The following SHTN1 variants were observed in gnomAD, a reference collection of about 807,000 sequenced individuals.
The protein encoded by SHTN1 is shootin-1.
A neutral mutation model predicts 83.1 loss-of-function variants in SHTN1; 42 were observed. The observed-to-expected ratio is 0.51, with a 90% confidence interval of 0.39 to 0.65. The LOEUF is 0.65. Ranked by LOEUF, SHTN1 falls within the 30% of genes least tolerant of loss-of-function variation. The probability of loss-of-function intolerance (pLI) is 0.00; values close to 1 mark genes in which losing one functional copy is unlikely to be tolerated. For missense variants in SHTN1, 622 were observed against 737.8 expected (o/e 0.84, Z 1.82); for synonymous variants, 224 against 247.7 (o/e 0.90, Z 0.90).
At chr10:117,055,761 A>G (rs1852818343) in intron 1 of SHTN1, among the ~76,000 whole-genome samples, 1 of 152,204 alleles carries the variant, frequency 6.6e-6, no homozygotes, top group South Asian at 2.1e-4. Flanking sequence ...CTAGCTACTC[A>G]GGAGGCTGAC....
chr10:116,979,456 T>A, intron 1 of SHTN1, 148 bp from the exon 2 acceptor site: 1 of 646,972 alleles, frequency 1.5e-6, no homozygotes, highest in South Asian at 1.9e-5. Flanking sequence ...TGCTTTTTAT[T>A]TTTTTTATTT....
chr10:116,901,848 G>A lies in SHTN1; in HGVS notation c.1590C>T (p.Phe530=). Residue 530 remains phenylalanine, a synonymous_variant, in exon 16 of 17, where the codon TTC becomes TTT. Transcript: ENST00000355371. The part of the protein sequence containing the change: ...ALNKKTLEAE[F]NSPSPPTPEP... ...CAGGTGTTGGGGGGGACGGGCTGTT[G>A]AATTCTGCCTCCAGAGTTTTCTTGT... The A allele has an allele frequency of 6.2e-7, 1 of 1,605,770 alleles. No homozygotes were observed. Among genetic ancestry groups the A allele is most frequent in the South Asian group, 1.1e-5 (1 of 89,644 alleles).
At chr10:117,039,417 T>C (rs1274938879) in intron 2 of SHTN1, among the ~76,000 whole-genome samples, 3 of 152,204 alleles carry the variant, frequency 2.0e-5, no homozygotes, top group Non-Finnish European at 2.9e-5. Flanking sequence ...CGTATCATTA[T>C]ACATTTGTCC....
chr10:116,991,718 T>G (rs1049199028), intron 1 of SHTN1, among the ~76,000 whole-genome samples: 8 of 152,116 alleles, frequency 5.3e-5, no homozygotes, highest in Non-Finnish European at 8.8e-5. Flanking sequence ...ACCTCCAACA[T>G]TAGGGAATCA....
intron 1 of SHTN1, among the ~76,000 whole-genome samples, chr10:116,982,125 A>T (rs1218190786): frequency 1.3e-5 from 2 of 152,234 alleles, no homozygotes; most frequent in East Asian, 3.8e-4. Context: ...TTTTCTATTT[A>T]AAACATCAGA....
intron 1 of SHTN1, among the ~76,000 whole-genome samples, chr10:116,983,673 T>C (rs957781630): frequency 1.4e-4 from 9 of 62,488 alleles, no homozygotes; most frequent in African/African-American, 3.0e-4. Context: ...GATAGATAGA[T>C]AGATAGATAG....
At chr10:116,968,555 G>C in intron 3 of SHTN1, 97 bp downstream of exon 3, 1 of 811,934 alleles carries the variant, frequency 1.2e-6, no homozygotes, top group Non-Finnish European at 2.0e-6. Context: ...TTGATTGTAT[G>C]ACCAGGACAT....
At chr10:116,923,023 T>C (rs572041369) in intron 11 of SHTN1, among the ~76,000 whole-genome samples, 7 of 151,992 alleles carry the variant, frequency 4.6e-5, no homozygotes, top group Admixed American at 1.3e-4. Context: ...ATCACAATGA[T>C]ACATGAAAAT....
intron 1 of SHTN1, among the ~76,000 whole-genome samples, chr10:117,113,709 G>A (rs995525018): frequency 6.6e-5 from 10 of 152,136 alleles, no homozygotes; most frequent in Non-Finnish European, 1.3e-4. Flanking sequence ...TTCAAGACCC[G>A]CCTAGGCAAG....
chr10:116,999,885 C>A (rs904476513), intron 1 of SHTN1, among the ~76,000 whole-genome samples: 2 of 152,024 alleles, frequency 1.3e-5, no homozygotes, highest in Non-Finnish European at 2.9e-5. Flanking sequence ...TGCACTCCAG[C>A]CTGGGTGACA....
At chr10:117,054,579 T>A (rs111782700) in intron 1 of SHTN1, among the ~76,000 whole-genome samples, 39 of 151,924 alleles carry the variant, frequency 2.6e-4, no homozygotes, top group Admixed American at 7.2e-4. Flanking sequence ...CTAATTTTTT[T>A]AATATTTTTA....
At chr10:116,921,295 C>T in intron 12 of SHTN1, 139 bp downstream of exon 12, 1 of 596,702 alleles carries the variant, frequency 1.7e-6, no homozygotes, top group South Asian at 2.2e-5. Context: ...ATGACGGTTA[C>T]TGGTTCATTC....
chr10:116,956,649 T>G (rs942250521), intron 4 of SHTN1, among the ~76,000 whole-genome samples: 2 of 152,176 alleles, frequency 1.3e-5, no homozygotes, highest in Non-Finnish European at 2.9e-5. Flanking sequence ...TTCTGTCATC[T>G]AGTGCTTAAT....
intron 1 of SHTN1, among the ~76,000 whole-genome samples, chr10:117,091,971 C>T (rs1435979923): frequency 1.3e-5 from 2 of 152,156 alleles, no homozygotes; most frequent in South Asian, 2.1e-4. Flanking sequence ...CAGGGCTTTA[C>T]ATACAGTGTC....
intron 16 of SHTN1, among the ~76,000 whole-genome samples, chr10:116,900,092 A>G (rs979002875): frequency 6.6e-6 from 1 of 152,252 alleles, no homozygotes; most frequent in Non-Finnish European, 1.5e-5. Flanking sequence ...ATTATACTTA[A>G]GAAACAGATT....
intron 2 of SHTN1, among the ~76,000 whole-genome samples, chr10:117,036,855 T>C (rs1270985542): frequency 6.6e-6 from 1 of 152,226 alleles, no homozygotes; most frequent in Non-Finnish European, 1.5e-5. Flanking sequence ...GTGGCTATTA[T>C]GCATTACATG....
chr10:116,901,631 T>C (rs1847740144), intron 16 of SHTN1, 134 bp downstream of exon 16: 2 of 1,355,322 alleles, frequency 1.5e-6, no homozygotes, highest in Non-Finnish European at 1.9e-6. Flanking sequence ...AGCTGGCCCA[T>C]CAAATGAAAA....
upstream of SHTN1, among the ~76,000 whole-genome samples, chr10:117,008,534 A>C (rs1852054359): frequency 6.6e-6 from 1 of 152,192 alleles, no homozygotes; most frequent in Non-Finnish European, 1.5e-5. Context: ...AAGTACTGAT[A>C]TATGGTACAA....
intron 8 of SHTN1, 32 bp downstream of exon 8, chr10:116,944,892 G>GA (rs768182962): frequency 7.1e-5 from 101 of 1,420,680 alleles, no homozygotes; most frequent in African/African-American, 9.8e-5. Flanking sequence ...TCTGTCTCAA[G>GA]AAAAAAAATA....
Sources: gnomAD v4.1 joint callset for allele counts (sites outside exome capture counted in the v4.1 genomes callset) on GRCh38, gnomAD v4.1.1 for gene constraint, MANE v1.5 for transcripts, NCBI Gene and HGNC (gene_info 2026-07-23, HGNC 2026-07-21) for gene names.